The following IGFBP4 variants were observed in gnomAD, a reference collection of about 807,000 sequenced individuals.
The protein encoded by IGFBP4 is insulin-like growth factor-binding protein 4.
Under a neutral mutation model 25.8 loss-of-function variants are expected in IGFBP4, and 9 were observed. That is an observed-to-expected ratio of 0.35 (90% CI 0.21 to 0.61). The LOEUF is 0.61. Among genes scored for constraint, IGFBP4 ranks in the 20% least tolerant of loss-of-function variants. The probability of loss-of-function intolerance (pLI) is 0.77; values close to 1 mark genes in which losing one functional copy is unlikely to be tolerated. For synonymous variants in IGFBP4, 153 were observed against 153.9 expected, an observed-to-expected ratio of 0.99 and a Z score of 0.05; for missense variants, 315 against 365.3, an observed-to-expected ratio of 0.86 and a Z score of 1.12.
chr17:40,453,106 G>A lies in IGFBP4; in HGVS notation c.471G>A (p.Lys157=). Residue 157 remains lysine (K), a synonymous_variant, in exon 2 of 4, where the codon AAG becomes AAA. Transcript: ENST00000269593. The surrounding 1 kb of genome is among the most constrained non-coding windows in gnomAD (Gnocchi z 4.0). ...RDRSTSGGKM[K]VNGAPREDAR... ...GGAGCACCAGTGGGGGCAAGATGAAGGTCAATGGGGCGCCCCGGGAGGATG... is the reference window on the plus strand; with the variant it reads ...GGAGCACCAGTGGGGGCAAGATGAAAGTCAATGGGGCGCCCCGGGAGGATG... 3 of 1,592,564 alleles carry A rather than the reference G, an allele frequency of 1.9e-6. No individual in the cohort carries two copies. The highest frequency in any genetic ancestry group is 2.6e-6 in the Non-Finnish European group (3 of 1,169,230).
In IGFBP4 at chr17:40,453,526, C is replaced by T. The variant is rs1258800292; in HGVS notation, c.507+384C>T. Among the ~76,000 whole-genome samples the T allele has an allele frequency of 6.6e-6, 1 of 152,152 alleles. No individual in the cohort carries two copies. Among genetic ancestry groups the T allele is most frequent in the East Asian group, 1.9e-4 (1 of 5,190 alleles). The stretch of plus-strand genomic sequence containing the variant: ...TCAGTAACCAAAGGGTAATGCTGGC[C>T]ATAGCAGGGGGCCTGGGACCCTGCT... On this transcript the variant is annotated intron_variant, in intron 2 of 3. Coordinates refer to ENST00000269593, the MANE Select transcript of IGFBP4 (RefSeq NM_001552.3). This position sits in a 1 kb window ranked among gnomAD's most constrained non-coding sequence, Gnocchi z 4.0.
chr17:40,449,146 A>G (rs2035667453), intron 1 of IGFBP4, among the ~76,000 whole-genome samples: 1 of 152,186 alleles, frequency 6.6e-6, no homozygotes, highest in Admixed American at 6.5e-5. Flanking sequence ...AGCTTTTCGT[A>G]GGTAACCCTC....
chr17:40,456,640 T>C lies in IGFBP4; in HGVS notation c.*57T>C. ...CCTGCTACTCCTGTGCTCTGGAGGC[T>C]GCAGAGCTGACCCAGAGTGGAGTCT... On this transcript the variant is annotated 3_prime_UTR_variant, in exon 4 of 4. Transcript: ENST00000269593. 1 of 1,542,726 alleles carries C rather than the reference T, an allele frequency of 6.5e-7. No individual in the cohort carries two copies.
intron 3 of IGFBP4, 66 bp from the exon 4 acceptor site, chr17:40,456,383 G>C: frequency 6.3e-7 from 1 of 1,577,794 alleles, no homozygotes; most frequent in Admixed American, 1.7e-5. Context: ...GGCTGGGATT[G>C]GGGTGGGTCA....
In IGFBP4 at chr17:40,443,966, C is replaced by G; in HGVS notation, c.231C>G (p.Gly77=). 1 of 1,531,132 alleles carries G rather than the reference C, an allele frequency of 6.5e-7. No homozygotes were observed. The allele number at this position is 1,531,132 out of a possible 1,614,324, so 94.8% of individuals were successfully genotyped here. The part of the protein sequence containing the change: ...CGVYTPRCGS[G]LRCYPPRGVE... ...TGTACACCCCCCGTTGCGGCTCGGG[C>G]CTGCGCTGCTACCCGCCCCGAGGGG... Residue 77 remains glycine, a synonymous_variant, in exon 1 of 4, where the codon GGC becomes GGG. Coordinates refer to ENST00000269593, the MANE Select transcript of IGFBP4 (RefSeq NM_001552.3).
At chr17:40,448,780 A>G (rs2035665364) in intron 1 of IGFBP4, among the ~76,000 whole-genome samples, 1 of 152,160 alleles carries the variant, frequency 6.6e-6, no homozygotes, top group Non-Finnish European at 1.5e-5. Flanking sequence ...AAAGTTACAG[A>G]TTACATGGAA....
chr17:40,448,927 C>T (rs576088616), intron 1 of IGFBP4, among the ~76,000 whole-genome samples: 7 of 152,118 alleles, frequency 4.6e-5, no homozygotes, highest in African/African-American at 7.2e-5. Flanking sequence ...TGTCTGGACA[C>T]GTGATTGTTT....
intron 1 of IGFBP4, among the ~76,000 whole-genome samples, chr17:40,446,275 C>T (rs542356075): frequency 3.5e-5 from 5 of 144,514 alleles, no homozygotes; most frequent in Admixed American, 7.1e-5. Context: ...GCTATGATCA[C>T]GTGATTGCAC....
rs1178695664 is a variant in IGFBP4 at position 40,443,862 on chromosome 17, G to T, written c.127G>T (p.Gly43Cys). The T allele has an allele frequency of 2.6e-6, 4 of 1,531,628 alleles. No homozygotes were observed. Among genetic ancestry groups the T allele is most frequent in the Non-Finnish European group, 3.5e-6 (4 of 1,145,244 alleles). 94.9% of individuals were successfully genotyped at this position (1,531,628 alleles called of 1,614,324 possible). A position where few individuals can be genotyped will look rare whatever the true frequency, so the allele number is the denominator to read the frequency against. ...GCTGGCGCGCTGCCGCCCCCCCGTG[G>T]GCTGCGAGGAGCTGGTGCGAGAGCC... ...EKLARCRPPV[G>C]CEELVREPGC... Residue 43 changes from glycine (G) to cysteine (C), a missense_variant, in exon 1 of 4, where the codon GGC becomes TGC. Transcript: ENST00000269593.
intron 3 of IGFBP4, among the ~76,000 whole-genome samples, chr17:40,455,383 C>T (rs915133759): frequency 4.6e-5 from 7 of 151,708 alleles, no homozygotes; most frequent in East Asian, 1.9e-4. Flanking sequence ...TGCAGTGATG[C>T]GATCACAGCT....
rs1200226719 is a variant in IGFBP4, at chr17:40,456,715, G to A, written c.*132G>A. On this transcript the variant is annotated 3_prime_UTR_variant, in exon 4 of 4. Coordinates refer to ENST00000269593, the MANE Select transcript of IGFBP4 (RefSeq NM_001552.3). ...CGGCCCAGAAGTTTCCCTCAAATGC[G>A]CGTGTGCACGTGTGCGTGTGCGTGC... is the stretch of plus-strand genomic sequence containing the variant. 3 of 856,160 alleles carry A rather than the reference G, an allele frequency of 3.5e-6. No individual in the cohort carries two copies. Among genetic ancestry groups the A allele is most frequent in the Non-Finnish European group, 5.3e-6 (3 of 561,344 alleles). The allele number at this position is 856,160 out of a possible 1,614,324, so 53.0% of individuals were successfully genotyped here. A position where few individuals can be genotyped will look rare whatever the true frequency, so the allele number is the denominator to read the frequency against.
At chr17:40,449,666 G>T (rs1023636490) in intron 1 of IGFBP4, among the ~76,000 whole-genome samples, 2 of 151,790 alleles carry the variant, frequency 1.3e-5, no homozygotes, top group Non-Finnish European at 2.9e-5. Context: ...GGAGAATGGC[G>T]TGAACCTGGG....
chr17:40,457,676 T>TC lies in IGFBP4; in HGVS notation c.*1094dup, dbSNP rs1362683189. 6.6e-6 allele frequency: 1 copy of TC among 152,176 alleles called. No individual in the cohort carries two copies. The highest frequency in any genetic ancestry group is 1.5e-5 in the Non-Finnish European group (1 of 68,038). 9.4% of individuals were successfully genotyped at this position (152,176 alleles called of 1,614,324 possible). A position where few individuals can be genotyped will look rare whatever the true frequency, so the allele number is the denominator to read the frequency against. ...CCTACCAGTTGGCCATGATGTCTTT[T>TC]CTTCTTTTTCTTTTTTTTAACAAAA... On this transcript the variant is annotated 3_prime_UTR_variant, in exon 4 of 4. Transcript: ENST00000269593.
In IGFBP4 at chr17:40,457,627, A is replaced by C. The variant is rs1383938223; in HGVS notation, c.*1044A>C. 6.6e-6 allele frequency: 1 copy of C among 151,746 alleles called. No individual in the cohort carries two copies. The highest frequency in any genetic ancestry group is 1.5e-5 in the Non-Finnish European group (1 of 67,942). 9.4% of individuals were successfully genotyped at this position (151,746 alleles called of 1,614,324 possible). Reference sequence around the variant, plus strand: ...ACTCCCCTGGGCATCTTCTGGCTTGACTGGATGGAAGGAGACTTAGGAACC... The same window carrying C: ...ACTCCCCTGGGCATCTTCTGGCTTGCCTGGATGGAAGGAGACTTAGGAACC... On this transcript the variant is annotated 3_prime_UTR_variant, in exon 4 of 4. Transcript: ENST00000269593.
At position 40,456,919 on chromosome 17, in the gene IGFBP4, C is replaced by T; in HGVS notation, c.*336C>T. ...TCACTCACTCATTCCTTCACTCATC[C>T]AGCCACCTAAAAACATTTACTGACC... On this transcript the variant is annotated 3_prime_UTR_variant, in exon 4 of 4. Coordinates refer to ENST00000269593, the MANE Select transcript of IGFBP4 (RefSeq NM_001552.3). 3.4e-6 allele frequency: 1 copy of T among 296,682 alleles called. No homozygotes were observed. The highest frequency in any genetic ancestry group is 7.4e-5 in the South Asian group (1 of 13,588). The allele number at this position is 296,682 out of a possible 1,614,324, so 18.4% of individuals were successfully genotyped here.
At chr17:40,448,048 G>C (rs1035153343) in intron 1 of IGFBP4, among the ~76,000 whole-genome samples, 10 of 152,250 alleles carry the variant, frequency 6.6e-5, no homozygotes, top group African/African-American at 2.4e-4. Flanking sequence ...CCAGACCTCA[G>C]AGAAAGGGCC....
chr17:40,452,982 C>A lies in IGFBP4; in HGVS notation c.350-3C>A. The A allele has an allele frequency of 6.6e-7, 1 of 1,518,712 alleles. No individual in the cohort carries two copies. Among genetic ancestry groups the A allele is most frequent in the Non-Finnish European group, 8.9e-7 (1 of 1,125,800 alleles). The allele number at this position is 1,518,712 out of a possible 1,614,324, so 94.1% of individuals were successfully genotyped here. On this transcript the variant is annotated splice_region_variant and splice_polypyrimidine_tract_variant and intron_variant, in intron 1 of 3. Transcript: ENST00000269593. ...ACCTCTCCTTATCGCTACCTGAATA[C>A]AGACAAGGACGAGGGTGACCACCCC...
At chr17:40,446,752 C>T (rs970576672) in intron 1 of IGFBP4, among the ~76,000 whole-genome samples, 5 of 152,196 alleles carry the variant, frequency 3.3e-5, no homozygotes, top group African/African-American at 9.7e-5. Context: ...CTCCAGCCTC[C>T]AGCCATGCAA....
At chr17:40,447,586 G>A (rs570510864) in intron 1 of IGFBP4, among the ~76,000 whole-genome samples, 4 of 152,270 alleles carry the variant, frequency 2.6e-5, no homozygotes, top group East Asian at 3.9e-4. Context: ...GGAGGGAGGA[G>A]CATGGCCGCT....
Sources: allele counts gnomAD v4.1 joint callset (sites outside exome capture counted in the v4.1 genomes callset), GRCh38; gene constraint gnomAD v4.1.1; non-coding constraint Gnocchi (gnomAD v3.1); transcripts MANE v1.5; gene names NCBI Gene and HGNC (gene_info 2026-07-23, HGNC 2026-07-21).